The following CSMD1 variants were observed in gnomAD, a reference collection of about 807,000 sequenced individuals.
CSMD1 encodes the protein CUB and Sushi multiple domains 1.
A neutral mutation model predicts 417.5 loss-of-function variants in CSMD1; 213 were observed. That is an observed-to-expected ratio of 0.51 (90% CI 0.46 to 0.57). The LOEUF is 0.57. CSMD1 is among the 20% of genes least tolerant of loss of function. The pLI is 0.00. For synonymous variants in CSMD1, 2,862 were observed against 1,736.8 expected (o/e 1.65, Z -16.11); for missense variants, 6,923 against 4,529.7 (o/e 1.53, Z -15.17).
At chr8:4,175,953 AT>A (rs372407420) in intron 3 of CSMD1, among the ~76,000 whole-genome samples, 9 of 152,260 alleles carry the variant, frequency 5.9e-5, no homozygotes, top group African/African-American at 1.2e-4. Flanking sequence ...CATTGGTGGC[AT>A]GGGGCAGCTG....
intron 2 of CSMD1, among the ~76,000 whole-genome samples, chr8:4,515,447 G>A (rs928794021): frequency 9.2e-5 from 14 of 152,106 alleles, no homozygotes; most frequent in Admixed American, 2.0e-4. Context: ...TTTCAGAGGA[G>A]AGTTAATATC....
intron 3 of CSMD1, among the ~76,000 whole-genome samples, chr8:4,047,802 G>C (rs1030445032): frequency 2.6e-5 from 4 of 151,932 alleles, no homozygotes; most frequent in African/African-American, 4.8e-5. Flanking sequence ...ACATTAGGTA[G>C]TCAGGAAACA....
intron 1 of CSMD1, among the ~76,000 whole-genome samples, chr8:4,859,138 C>G (rs1801981216): frequency 6.6e-6 from 1 of 152,004 alleles, no homozygotes; most frequent in Admixed American, 6.6e-5. Context: ...TGATCTTTGA[C>G]AAACCTGAGA....
At chr8:3,379,425 A>G (rs1299719794) in intron 18 of CSMD1, among the ~76,000 whole-genome samples, 1 of 152,194 alleles carries the variant, frequency 6.6e-6, no homozygotes, top group East Asian at 1.9e-4. Flanking sequence ...ACCAAAAAAG[A>G]GCCCATATAG....
At chr8:4,032,823 T>C (rs1317961586) in intron 3 of CSMD1, among the ~76,000 whole-genome samples, 2 of 152,160 alleles carry the variant, frequency 1.3e-5, no homozygotes, top group Non-Finnish European at 2.9e-5. Flanking sequence ...ACCATCTGAA[T>C]GGACACATCC....
At chr8:3,857,897 G>C (rs140177928) in intron 5 of CSMD1, among the ~76,000 whole-genome samples, 1 of 152,214 alleles carries the variant, frequency 6.6e-6, no homozygotes, top group East Asian at 1.9e-4. Context: ...GATTGCTTCC[G>C]TCCTTAAAAT....
At chr8:3,206,354 G>C (rs1324353893) in intron 30 of CSMD1, among the ~76,000 whole-genome samples, 1 of 134,280 alleles carries the variant, frequency 7.4e-6, no homozygotes, top group South Asian at 2.5e-4. Flanking sequence ...GGGTGTGTGT[G>C]TATGTGTGTA....
intron 3 of CSMD1, among the ~76,000 whole-genome samples, chr8:4,094,091 A>C (rs893536443): frequency 6.6e-6 from 1 of 152,142 alleles, no homozygotes; most frequent in Non-Finnish European, 1.5e-5. Flanking sequence ...CGCTGTGTGG[A>C]TGGAGGAAAA....
chr8:3,966,052 G>T (rs573031522), intron 5 of CSMD1, among the ~76,000 whole-genome samples: 2 of 152,312 alleles, frequency 1.3e-5, no homozygotes, highest in East Asian at 3.9e-4. Context: ...GAGAATGAAT[G>T]ACTCTAGAAT....
chr8:3,134,131 C>G (rs1817946545), intron 41 of CSMD1, among the ~76,000 whole-genome samples: 2 of 151,928 alleles, frequency 1.3e-5, no homozygotes, highest in African/African-American at 2.4e-5. Context: ...GAGAGTGTAT[C>G]ACTGCACTCC....
intron 48 of CSMD1, 87 bp from the exon 49 acceptor site, chr8:3,087,372 T>A: frequency 7.5e-7 from 1 of 1,333,398 alleles, no homozygotes; most frequent in Non-Finnish European, 1.1e-6. Context: ...TATAAATGAA[T>A]GGCTTCTCAT....
At chr8:4,607,185 G>C (rs1479903758) in intron 2 of CSMD1, among the ~76,000 whole-genome samples, 1 of 152,136 alleles carries the variant, frequency 6.6e-6, no homozygotes, top group African/African-American at 2.4e-5. Flanking sequence ...GGAACTAATT[G>C]ATAGTGTCGG....
chr8:4,592,093 TA>T (rs1800019075), intron 2 of CSMD1, among the ~76,000 whole-genome samples: 5 of 152,170 alleles, frequency 3.3e-5, no homozygotes, highest in Admixed American at 6.6e-5. Flanking sequence ...GACATGCTGG[TA>T]GATGTTTAAC....
chr8:3,754,094 T>A, intron 5 of CSMD1, 52 bp from the exon 6 acceptor site: 1 of 1,218,386 alleles, frequency 8.2e-7, no homozygotes, highest in South Asian at 1.3e-5. Context: ...ACAGAGCAAA[T>A]GTCCTATATC....
At chr8:4,845,258 A>G (rs765144725) in intron 1 of CSMD1, among the ~76,000 whole-genome samples, 7 of 152,212 alleles carry the variant, frequency 4.6e-5, no homozygotes, top group Non-Finnish European at 8.8e-5. Flanking sequence ...ATAAAGACAC[A>G]AGAAAGCCAT....
intron 3 of CSMD1, among the ~76,000 whole-genome samples, chr8:4,398,144 A>C (rs1033803363): frequency 1.2e-4 from 18 of 152,136 alleles, no homozygotes; most frequent in African/African-American, 4.1e-4. Flanking sequence ...TGTTTAGAGC[A>C]GGTGGTTCTA....
At chr8:3,650,378 T>A (rs1169285662) in intron 7 of CSMD1, among the ~76,000 whole-genome samples, 2 of 152,212 alleles carry the variant, frequency 1.3e-5, no homozygotes, top group East Asian at 3.8e-4. Context: ...GTTACCATGC[T>A]TTAATTAGGG....
At chr8:4,369,940 C>T (rs1351917944) in intron 3 of CSMD1, among the ~76,000 whole-genome samples, 3 of 152,098 alleles carry the variant, frequency 2.0e-5, no homozygotes, top group African/African-American at 7.2e-5. Context: ...ACATTTAACC[C>T]ATTTACATTC....
intron 10 of CSMD1, among the ~76,000 whole-genome samples, chr8:3,494,609 T>C (rs974323647): frequency 2.0e-5 from 3 of 146,980 alleles, no homozygotes; most frequent in Admixed American, 1.4e-4. Flanking sequence ...GATAGATAGA[T>C]GACAGATAGT....
Sources: gnomAD v4.1 joint callset for allele counts (sites outside exome capture counted in the v4.1 genomes callset) on GRCh38, gnomAD v4.1.1 for gene constraint, MANE v1.5 for transcripts, NCBI Gene and HGNC (gene_info 2026-07-23, HGNC 2026-07-21) for gene names.